TLE4: variants seen among roughly 807,000 people sequenced by gnomAD.
The protein encoded by TLE4 is transducin-like enhancer protein 4.
In TLE4, 8 loss-of-function variants were observed where a neutral mutation model predicts 92.8. That is an observed-to-expected ratio of 0.09 (90% CI 0.05 to 0.16). The LOEUF (loss-of-function observed/expected upper bound fraction) is 0.16. TLE4 is among the 10% of genes least tolerant of loss of function. The pLI is 1.00. For synonymous variants in TLE4, 371 were observed against 374.1 expected (o/e 0.99, Z 0.10); for missense variants, 675 against 997.6 (o/e 0.68, Z 4.36).
chr9:79,643,327 G>T (rs141783723), intron 6 of TLE4, among the ~76,000 whole-genome samples: 1 of 152,300 alleles, frequency 6.6e-6, no homozygotes, highest in Admixed American at 6.5e-5. Flanking sequence ...ATTTCAGTGT[G>T]CTTCTTCTAT....
chr9:79,587,651 T>C (rs1275043951), intron 4 of TLE4, among the ~76,000 whole-genome samples: 1 of 152,206 alleles, frequency 6.6e-6, no homozygotes, highest in South Asian at 2.1e-4. Flanking sequence ...GGCTATTGTG[T>C]GGACAGCTAA....
intron 4 of TLE4, among the ~76,000 whole-genome samples, chr9:79,610,204 A>G (rs2048048009): frequency 6.6e-6 from 1 of 152,124 alleles, no homozygotes; most frequent in Non-Finnish European, 1.5e-5. Flanking sequence ...GCATCATTTT[A>G]GGGCCCTAAT....
At chr9:79,594,444 ATCTGCACAACC>A (rs1169064075) in intron 4 of TLE4, among the ~76,000 whole-genome samples, 1 of 152,140 alleles carries the variant, frequency 6.6e-6, no homozygotes, top group Non-Finnish European at 1.5e-5. Flanking sequence ...TTATCTTATT[ATCTGCACAACC>A]TCTCTTTGCT....
intron 5 of TLE4, among the ~76,000 whole-genome samples, chr9:79,625,982 A>G (rs182492982): frequency 1.1e-3 from 160 of 152,008 alleles, no homozygotes; most frequent in African/African-American, 3.7e-3. Flanking sequence ...ATTAAAAAGT[A>G]TATAGTTTAA....
At chr9:79,592,319 A>AGGCTGGAGTGCAGT (rs2042911822) in intron 4 of TLE4, among the ~76,000 whole-genome samples, 1 of 131,394 alleles carries the variant, frequency 7.6e-6, no homozygotes, top group African/African-American at 3.0e-5. Context: ...TCTGATGCCC[A>AGGCTGGAGTGCAGT]GGCTGGAGTG....
In TLE4 at chr9:79,708,676, G is replaced by T. The variant is rs1247321524; in HGVS notation, c.1153G>T (p.Glu385Ter). The stretch of plus-strand genomic sequence containing the variant: ...TGTGCCCCATGCTGGAATGAACGGA[G>T]AGCTGACCAGCCCCGGAGCGGCCTA... ...GIVPHAGMNG[E>*]LTSPGAAYAG... Residue 385 changes from glutamate to a stop codon, truncating the protein, a stop_gained, in exon 13 of 20, where the codon GAG (glutamate) becomes TAG (stop). Transcript: ENST00000376552. LOFTEE classifies it high-confidence loss of function. 6.2e-7 allele frequency: 1 copy of T among 1,614,040 alleles called. No homozygotes were observed. The highest frequency in any genetic ancestry group is 1.7e-5 in the Admixed American group (1 of 60,030).
intron 8 of TLE4, among the ~76,000 whole-genome samples, chr9:79,658,702 T>G (rs1386710357): frequency 6.6e-6 from 1 of 152,222 alleles, no homozygotes; most frequent in Non-Finnish European, 1.5e-5. Flanking sequence ...TACACCCCTT[T>G]AAGTAGGAGT....
In TLE4 at chr9:79,572,399, C is replaced by G. The variant is rs556160704; in HGVS notation, c.-392C>G. ...AATAAAAAAAGTTTGGAGTGGGACGCAGAGCGAGCGAGAGGAGCTGCCGGC... is the reference window on the plus strand; with the variant it reads ...AATAAAAAAAGTTTGGAGTGGGACGGAGAGCGAGCGAGAGGAGCTGCCGGC... On this transcript the variant is annotated 5_prime_UTR_variant, in exon 1 of 20. Coordinates refer to ENST00000376552, the MANE Select transcript of TLE4 (RefSeq NM_007005.6). The G allele has an allele frequency of 1.3e-5, 2 of 152,458 alleles. No individual in the cohort carries two copies. Among genetic ancestry groups the G allele is most frequent in the East Asian group, 1.9e-4 (1 of 5,194 alleles). The allele number at this position is 152,458 out of a possible 1,614,324, so 9.4% of individuals were successfully genotyped here.
In TLE4 at chr9:79,720,240, C is replaced by T; in HGVS notation, c.1785C>T (p.Cys595=). ...ISPDSKVCFS[C]CSDGNIAVWD... ...CCGATTCCAAGGTCTGCTTCTCATG[C>T]TGCAGCGACGGCAACATCGCTGTGT... Residue 595 remains cysteine, a synonymous_variant, in exon 16 of 20, where the codon TGC becomes TGT. Transcript: ENST00000376552. 6.2e-7 allele frequency: 1 copy of T among 1,614,194 alleles called. No individual in the cohort carries two copies. Among genetic ancestry groups the T allele is most frequent in the African/African-American group, 1.3e-5 (1 of 75,060 alleles).
At chr9:79,654,256 C>T (rs947916143) in intron 8 of TLE4, among the ~76,000 whole-genome samples, 181 bp downstream of exon 8, 1 of 148,050 alleles carries the variant, frequency 6.8e-6, no homozygotes. Flanking sequence ...TTTAAAGGTC[C>T]CATTTCTCTA....
intron 8 of TLE4, among the ~76,000 whole-genome samples, chr9:79,699,944 A>G (rs1357848321): frequency 1.3e-5 from 2 of 152,186 alleles, no homozygotes; most frequent in African/African-American, 4.8e-5. Context: ...TGCTGGGGGA[A>G]GTCCTACACA....
intron 4 of TLE4, among the ~76,000 whole-genome samples, chr9:79,584,027 A>G (rs547329377): frequency 1.2e-4 from 18 of 152,226 alleles, no homozygotes; most frequent in Non-Finnish European, 2.5e-4. Context: ...AGGGAGGATC[A>G]GCACGGGGGT....
intron 8 of TLE4, among the ~76,000 whole-genome samples, chr9:79,677,886 A>G (rs933845676): frequency 3.4e-4 from 51 of 152,062 alleles, no homozygotes; most frequent in African/African-American, 1.2e-3. Flanking sequence ...CAAACTATGG[A>G]ACTTTAGAAG....
chr9:79,653,038 T>C, intron 7 of TLE4: 4 of 549,248 alleles, frequency 7.3e-6, no homozygotes, highest in South Asian at 6.5e-5. Context: ...TTTGATTTCT[T>C]GCTACCTTCT....
At chr9:79,668,587 A>AG (rs2061772990) in intron 8 of TLE4, among the ~76,000 whole-genome samples, 1 of 152,150 alleles carries the variant, frequency 6.6e-6, no homozygotes, top group African/African-American at 2.4e-5. Context: ...GGTGGCTTGC[A>AG]GGCCAAGAAT....
At chr9:79,648,673 A>C (rs192800689) in intron 6 of TLE4, among the ~76,000 whole-genome samples, 1 of 152,328 alleles carries the variant, frequency 6.6e-6, no homozygotes, top group African/African-American at 2.4e-5. Flanking sequence ...TATCGTGACA[A>C]GTAGAAACAA....
chr9:79,681,787 A>G (rs1199803923), intron 8 of TLE4, among the ~76,000 whole-genome samples: 1 of 150,498 alleles, frequency 6.6e-6, no homozygotes, highest in Non-Finnish European at 1.5e-5. Flanking sequence ...AGGGAGGAAG[A>G]GAGGGAGAGA....
At position 79,610,897 on chromosome 9, in the gene TLE4, A is replaced by AT. The variant is rs571614046; in HGVS notation, c.253-1754dup. Among the ~76,000 whole-genome samples, 27 of 151,872 alleles carry AT rather than the reference A, an allele frequency of 1.8e-4. No individual in the cohort carries two copies. The South Asian group carries it at 1.9e-3, about 11-fold the overall frequency. ...ACTCAGTTTTCTTATGTGCCCACAC[A>AT]TTTTTCAGCCCTCCTAGCAAGGGAC... On this transcript the variant is annotated intron_variant, in intron 4 of 19. Transcript: ENST00000376552.
chr9:79,612,065 T>C lies in TLE4; in HGVS notation c.253-591T>C, dbSNP rs113428439. ...ACACTGAAAACCTTGGTAGGACACATTTGGAAATTTTTATGGTTGAAGAAA... is the reference window on the plus strand; with the variant it reads ...ACACTGAAAACCTTGGTAGGACACACTTGGAAATTTTTATGGTTGAAGAAA... On this transcript the variant is annotated intron_variant, in intron 4 of 19. Coordinates refer to ENST00000376552, the MANE Select transcript of TLE4 (RefSeq NM_007005.6). Among the ~76,000 whole-genome samples the C allele has an allele frequency of 3.9e-3, 587 of 152,120 alleles. 5 individuals carry two copies. The highest frequency in any genetic ancestry group is 0.012 in the African/African-American group (510 of 41,512).
Sources: allele counts gnomAD v4.1 joint callset (sites outside exome capture counted in the v4.1 genomes callset), GRCh38; gene constraint gnomAD v4.1.1; transcripts MANE v1.5; gene names NCBI Gene and HGNC (gene_info 2026-07-23, HGNC 2026-07-21).